Variants in TRIM55 observed in about 807,000 individuals in gnomAD.
The protein encoded by TRIM55 is tripartite motif-containing protein 55.
Under a neutral mutation model 60.9 loss-of-function variants are expected in TRIM55, and 50 were observed. The observed-to-expected ratio is 0.82, with a 90% CI of 0.65 to 1.04. TRIM55 has a LOEUF of 1.04. Ranked by LOEUF, TRIM55 falls within the 50% of genes least tolerant of loss-of-function variation. TRIM55 has a pLI of 0.00. For synonymous variants in TRIM55, 237 were observed against 238.1 expected (o/e 1.00, Z 0.04); for missense variants, 681 against 666.9 (o/e 1.02, Z -0.23).
At chr8:66,153,634 G>A (rs1810563697) in intron 8 of TRIM55, among the ~76,000 whole-genome samples, 1 of 150,920 alleles carries the variant, frequency 6.6e-6, no homozygotes, top group African/African-American at 2.4e-5. Flanking sequence ...ACTAAGTGAG[G>A]GTTGGATTTG....
chr8:66,172,116 A>T (rs1340011218), intron 9 of TRIM55, among the ~76,000 whole-genome samples: 1 of 152,094 alleles, frequency 6.6e-6, no homozygotes, highest in Non-Finnish European at 1.5e-5. Flanking sequence ...CCAACCTAAT[A>T]TAAGTGAGGC....
chr8:66,142,139 T>A (rs746297975), intron 4 of TRIM55, among the ~76,000 whole-genome samples: 5 of 152,208 alleles, frequency 3.3e-5, no homozygotes, highest in African/African-American at 4.8e-5. Context: ...AAGAGGTACA[T>A]TCCAGGGGCT....
intron 9 of TRIM55, 32 bp downstream of exon 9, chr8:66,154,366 C>T: frequency 6.2e-7 from 1 of 1,604,070 alleles, no homozygotes; most frequent in South Asian, 1.1e-5. Flanking sequence ...TCTATGCTTT[C>T]CCGCGCCCCC....
intron 4 of TRIM55, among the ~76,000 whole-genome samples, chr8:66,143,432 A>G (rs1809933552): frequency 6.6e-6 from 1 of 152,208 alleles, no homozygotes; most frequent in Admixed American, 6.5e-5. Flanking sequence ...GAAATTAGAG[A>G]GTCTTGGCAC....
Position 66,174,469 on chromosome 8 carries a change from A to G in TRIM55, c.1525-2A>G, listed in dbSNP as rs1407615488. On this transcript the variant is annotated splice_acceptor_variant, in intron 9 of 9. Transcript: ENST00000315962. LOFTEE classifies it high-confidence loss of function. ...TCTGATTCCCATTTTCTTCCATTGC[A>G]GATTGGATTTGAGGCTCCTCCCCTC... is the stretch of plus-strand genomic sequence containing the variant. The G allele has an allele frequency of 1.8e-5, 29 of 1,610,972 alleles. No individual in the cohort carries two copies. Among genetic ancestry groups the G allele is most frequent in the Non-Finnish European group, 2.5e-5 (29 of 1,178,970 alleles).
At chr8:66,158,373 C>T (rs1202109925) in intron 9 of TRIM55, among the ~76,000 whole-genome samples, 1 of 152,084 alleles carries the variant, frequency 6.6e-6, no homozygotes, top group African/African-American at 2.4e-5. Context: ...CAAAAATATC[C>T]ATTTTTTACA....
chr8:66,128,286 C>T lies in TRIM55; in HGVS notation c.169-18C>T, dbSNP rs1236250775. 8 of 1,554,720 alleles carry T rather than the reference C, an allele frequency of 5.1e-6. No homozygotes were observed. The highest frequency in any genetic ancestry group is 1.8e-4 in the Middle Eastern group (1 of 5,488). ...TGTGGCATTACCCAATTCCTTTTTT[C>T]TTACTTGGCAAGAACAGGCCTCTAA... On this transcript the variant is annotated intron_variant, in intron 1 of 9. Coordinates refer to ENST00000315962, the MANE Select transcript of TRIM55 (RefSeq NM_184085.2).
At chr8:66,114,224 C>CT in the TRIM55 span, among the ~76,000 whole-genome samples, 2 of 152,262 alleles carry the variant, frequency 1.3e-5, no homozygotes, top group South Asian at 2.1e-4. Context: ...GCTCGCTTAG[C>CT]ATGCGAGAGG....
chr8:66,155,596 T>C (rs1810692152), intron 9 of TRIM55: 1 of 1,477,014 alleles, frequency 6.8e-7, no homozygotes, highest in Non-Finnish European at 9.3e-7. Flanking sequence ...ATAATATCAG[T>C]GAAGCTTTCT....
intron 4 of TRIM55, among the ~76,000 whole-genome samples, chr8:66,139,774 C>G (rs1160097176): frequency 2.6e-5 from 4 of 152,088 alleles, no homozygotes; most frequent in Non-Finnish European, 5.9e-5. Context: ...CTGTTTATTT[C>G]ATTTCTTTCA....
chr8:66,170,976 A>T (rs994380011), intron 9 of TRIM55, among the ~76,000 whole-genome samples: 1 of 152,248 alleles, frequency 6.6e-6, no homozygotes, highest in Non-Finnish European at 1.5e-5. Context: ...GTCTCTGTGT[A>T]CAGGACAGTT....
intron 4 of TRIM55, among the ~76,000 whole-genome samples, chr8:66,147,813 A>AAAAC (rs1554528461): frequency 7.6e-5 from 11 of 144,532 alleles, no homozygotes; most frequent in African/African-American, 1.9e-4. Context: ...AAAAAAAAAA[A>AAAAC]AAAACCACAA....
chr8:66,155,703 T>C, intron 9 of TRIM55: 1 of 1,603,948 alleles, frequency 6.2e-7, no homozygotes, highest in Non-Finnish European at 8.5e-7. Context: ...TGATTTTTAC[T>C]TTAATGGGTA....
intron 2 of TRIM55, among the ~76,000 whole-genome samples, chr8:66,130,221 C>G (rs530741193): frequency 2.6e-5 from 4 of 152,308 alleles, no homozygotes; most frequent in African/African-American, 9.6e-5. Context: ...AAAAATAGTA[C>G]CCAGGCCTGG....
Position 66,174,693 on chromosome 8 carries a change from C to T in TRIM55, c.*100C>T, listed in dbSNP as rs1362785431. 11 of 1,310,808 alleles carry T rather than the reference C, an allele frequency of 8.4e-6. No homozygotes were observed. Among genetic ancestry groups the T allele is most frequent in the South Asian group, 6.9e-5 (4 of 57,574 alleles). The allele number at this position is 1,310,808 out of a possible 1,614,324, so 81.2% of individuals were successfully genotyped here. A position where few individuals can be genotyped will look rare whatever the true frequency, so the allele number is the denominator to read the frequency against. On this transcript the variant is annotated 3_prime_UTR_variant, in exon 10 of 10. Transcript: ENST00000315962. The stretch of plus-strand genomic sequence containing the variant: ...AATATTATGCAGATGATGAAAGGGA[C>T]CTCTGAACAGGATTTCTGCAAAAAT...
intron 9 of TRIM55, among the ~76,000 whole-genome samples, chr8:66,159,995 TTA>T (rs1264157246): frequency 6.6e-6 from 1 of 152,172 alleles, no homozygotes; most frequent in Non-Finnish European, 1.5e-5. Context: ...TTCATTTCTT[TTA>T]ATTTTTTATT....
intron 9 of TRIM55, among the ~76,000 whole-genome samples, chr8:66,160,790 T>C (rs1811004093): frequency 6.6e-6 from 1 of 152,164 alleles, no homozygotes; most frequent in South Asian, 2.1e-4. Flanking sequence ...CATTTTTCTG[T>C]ACGCTTGTTG....
At position 66,154,322 on chromosome 8, in the gene TRIM55, A is replaced by G; in HGVS notation, c.1512A>G (p.Ala504=). ...GTGGTAAGGAAACTAGTGCACCTGCAGCTACTTCTCAGGTTAGTGATGATG... is the reference window on the plus strand; with the variant it reads ...GTGGTAAGGAAACTAGTGCACCTGCGGCTACTTCTCAGGTTAGTGATGATG... The part of the protein sequence containing the change: ...AVSGKETSAP[A]ATSQIGFEAP... The change falls in exon 9 of 10, where the codon GCA becomes GCG. Residue 504 remains alanine, a synonymous_variant. Coordinates refer to ENST00000315962, the MANE Select transcript of TRIM55 (RefSeq NM_184085.2). 1 of 1,614,048 alleles carries G rather than the reference A, an allele frequency of 6.2e-7. No individual in the cohort carries two copies. The highest frequency in any genetic ancestry group is 8.5e-7 in the Non-Finnish European group (1 of 1,179,960).
In TRIM55 at chr8:66,160,062, T is replaced by C. The variant is rs1810961309; in HGVS notation, c.1524+5728T>C. Among the ~76,000 whole-genome samples the C allele has an allele frequency of 4.6e-5, 7 of 152,192 alleles. No homozygotes were observed. The South Asian group carries it at 1.5e-3, about 32-fold the overall frequency. On this transcript the variant is annotated intron_variant, in intron 9 of 9. Coordinates refer to ENST00000315962, the MANE Select transcript of TRIM55 (RefSeq NM_184085.2). ...GGTGGTGTTTGATTACCTGAATAAG[T>C]TTTTTAGTGGTGATTTCTGAGATTT...
Sources: gnomAD v4.1 joint callset for allele counts (sites outside exome capture counted in the v4.1 genomes callset) on GRCh38, gnomAD v4.1.1 for gene constraint, MANE v1.5 for transcripts, NCBI Gene and HGNC (gene_info 2026-07-23, HGNC 2026-07-21) for gene names.